Variants in PTPRD observed in about 807,000 individuals in gnomAD.
PTPRD encodes protein tyrosine phosphatase receptor type D.
PTPRD carries 34 observed loss-of-function variants against 214.5 expected under a neutral mutation model. That is an observed-to-expected ratio of 0.16 (90% confidence interval 0.12 to 0.21). The LOEUF (loss-of-function observed/expected upper bound fraction) is 0.21. Among genes scored for constraint, PTPRD ranks in the 10% least tolerant of loss-of-function variants. PTPRD has a pLI of 1.00. For synonymous variants in PTPRD, 1,128 were observed against 845.7 expected (o/e 1.33, Z -5.79); for missense variants, 2,545 against 2,398.7 (o/e 1.06, Z -1.27).
In PTPRD at chr9:9,934,535, G is replaced by T. The variant is rs182973337; in HGVS notation, c.-368+3972C>A. ...CCCAAGACTAAACCAGGAAGAAGTT[G>T]AATCTCTGAATAGACCAATAACAGG... On this transcript the variant is annotated intron_variant, in intron 5 of 45. Transcript: ENST00000381196. 4.6e-3 allele frequency among the ~76,000 whole-genome samples: 701 copies of T among 151,160 alleles called. 14 individuals carry two copies. The highest frequency in any genetic ancestry group is 0.031 in the Admixed American group (467 of 15,222).
intron 9 of PTPRD, among the ~76,000 whole-genome samples, chr9:9,352,557 G>C (rs924546454): frequency 6.6e-6 from 1 of 151,642 alleles, no homozygotes. Context: ...TCTTCACTCT[G>C]TTGCCTTCAC....
At chr9:10,560,876 C>A (rs941816107) in intron 2 of PTPRD, among the ~76,000 whole-genome samples, 5 of 152,136 alleles carry the variant, frequency 3.3e-5, no homozygotes, top group African/African-American at 1.2e-4. Flanking sequence ...TAGAGCCTGT[C>A]CATCACTGTG....
At chr9:8,763,744 G>A (rs1269226406) in intron 11 of PTPRD, among the ~76,000 whole-genome samples, 2 of 150,202 alleles carry the variant, frequency 1.3e-5, no homozygotes, top group Non-Finnish European at 3.0e-5. Flanking sequence ...TCGTTTTCTA[G>A]AAGAGAATGA....
At chr9:9,386,618 AT>A (rs1177168467) in intron 9 of PTPRD, among the ~76,000 whole-genome samples, 1 of 152,198 alleles carries the variant, frequency 6.6e-6, no homozygotes, top group African/African-American at 2.4e-5. Flanking sequence ...AGCAAAATGC[AT>A]TTTAAATAGC....
chr9:9,794,157 ATG>A (rs1406963627), intron 5 of PTPRD, among the ~76,000 whole-genome samples: 4 of 33,348 alleles, frequency 1.2e-4, no homozygotes, highest in Non-Finnish European at 3.4e-4. Context: ...ATATATGTAC[ATG>A]TATATATATA....
At chr9:10,139,876 C>A (rs1284271468) in intron 3 of PTPRD, among the ~76,000 whole-genome samples, 1 of 152,046 alleles carries the variant, frequency 6.6e-6, no homozygotes, top group Non-Finnish European at 1.5e-5. Flanking sequence ...TATCACCATA[C>A]ATAAAATTAA....
chr9:8,449,665 A>C, intron 34 of PTPRD, 60 bp downstream of exon 34: 1 of 1,466,316 alleles, frequency 6.8e-7, no homozygotes, highest in South Asian at 1.2e-5. Flanking sequence ...CTTAATATCA[A>C]TTGAGCTGTA....
chr9:8,778,775 C>A (rs1206866518), intron 11 of PTPRD, among the ~76,000 whole-genome samples: 1 of 152,154 alleles, frequency 6.6e-6, no homozygotes, highest in Non-Finnish European at 1.5e-5. Flanking sequence ...CTACAATATT[C>A]ATCCACTCTG....
rs557071020 is a variant in PTPRD at position 9,982,278 on chromosome 9, C to A, written c.-471-43668G>T. Among the ~76,000 whole-genome samples the A allele has an allele frequency of 1.9e-3, 285 of 152,194 alleles. 1 individual carries two copies. Among genetic ancestry groups the A allele is most frequent in the Middle Eastern group, 0.014 (4 of 294 alleles). On this transcript the variant is annotated intron_variant, in intron 4 of 45. Transcript: ENST00000381196. ...TGTCACTGAACAGATCCACAAGGAC[C>A]AAACAACACCCATATTTTCCATATG...
chr9:9,838,545 T>A (rs1459164465), intron 5 of PTPRD, among the ~76,000 whole-genome samples: 3 of 151,866 alleles, frequency 2.0e-5, no homozygotes, highest in Non-Finnish European at 4.4e-5. Flanking sequence ...TTTCATGTGT[T>A]TTTTGGCTGC....
intron 10 of PTPRD, among the ~76,000 whole-genome samples, chr9:9,130,468 T>C (rs969596610): frequency 1.3e-5 from 2 of 152,190 alleles, no homozygotes; most frequent in African/African-American, 4.8e-5. Context: ...CTACAACTTG[T>C]GTAAAACAGA....
At chr9:9,237,694 C>T (rs541425199) in intron 9 of PTPRD, among the ~76,000 whole-genome samples, 2 of 152,168 alleles carry the variant, frequency 1.3e-5, no homozygotes, top group East Asian at 3.9e-4. Context: ...GATCTTCAGA[C>T]TATAAATTTT....
chr9:10,390,086 G>A (rs184419393), intron 2 of PTPRD, among the ~76,000 whole-genome samples: 4 of 151,782 alleles, frequency 2.6e-5, no homozygotes, highest in Admixed American at 2.6e-4. Flanking sequence ...TGCCCATTAG[G>A]AGCAAATAAA....
chr9:8,842,031 T>C (rs1601601127), intron 11 of PTPRD, among the ~76,000 whole-genome samples: 1 of 150,774 alleles, frequency 6.6e-6, no homozygotes, highest in African/African-American at 2.4e-5. Context: ...AATCCAACTA[T>C]TGCTGCATAC....
chr9:9,298,211 A>C (rs1015185127), intron 9 of PTPRD, among the ~76,000 whole-genome samples: 4 of 151,702 alleles, frequency 2.6e-5, no homozygotes, highest in African/African-American at 9.7e-5. Flanking sequence ...TAAAGGTTTC[A>C]GAAATAGAAT....
chr9:9,985,781 T>C (rs931327192), intron 4 of PTPRD, among the ~76,000 whole-genome samples: 7 of 151,770 alleles, frequency 4.6e-5, no homozygotes, highest in Admixed American at 3.9e-4. Flanking sequence ...ATGAAAAACA[T>C]TTATAAATAA....
chr9:9,751,973 C>T lies in PTPRD; in HGVS notation c.-326+14837G>A, dbSNP rs538940718. Among the ~76,000 whole-genome samples the T allele has an allele frequency of 9.2e-5, 14 of 152,034 alleles. No homozygotes were observed. The South Asian group carries it at 2.1e-3, about 23-fold the overall frequency. On this transcript the variant is annotated intron_variant, in intron 6 of 45. Coordinates refer to ENST00000381196, the MANE Select transcript of PTPRD (RefSeq NM_002839.4). ...AGTGGTGGGATATTTTGAAACATAA[C>T]CATTTGGTAGATTATACAACAACTA...
chr9:9,283,397 A>G (rs1948404968), intron 9 of PTPRD, among the ~76,000 whole-genome samples: 1 of 151,486 alleles, frequency 6.6e-6, no homozygotes, highest in African/African-American at 2.4e-5. Flanking sequence ...GAAATGTCCC[A>G]TCTACAAATG....
intron 9 of PTPRD, among the ~76,000 whole-genome samples, chr9:9,366,373 G>C (rs1475442672): frequency 6.6e-6 from 1 of 151,376 alleles, no homozygotes; most frequent in African/African-American, 2.4e-5. Context: ...ATCTATTCTT[G>C]AATCATTGAG....
Sources: allele counts gnomAD v4.1 joint callset (sites outside exome capture counted in the v4.1 genomes callset), GRCh38; gene constraint gnomAD v4.1.1; transcripts MANE v1.5; gene names NCBI Gene and HGNC (gene_info 2026-07-23, HGNC 2026-07-21).